The following EXTL3 variants were observed in gnomAD, a reference collection of about 807,000 sequenced individuals.
EXTL3 encodes the protein exostosin-like 3.
In EXTL3, 27 loss-of-function variants were observed where a neutral mutation model predicts 69.3. The ratio of observed to expected loss-of-function variants is 0.39; its 90% CI spans 0.29 to 0.54. The LOEUF (loss-of-function observed/expected upper bound fraction) is 0.54. Ranked by LOEUF, EXTL3 falls within the 20% of genes least tolerant of loss-of-function variation. The probability of loss-of-function intolerance (pLI) is 0.69; values close to 1 mark genes in which losing one functional copy is unlikely to be tolerated. For missense variants in EXTL3, 1,003 were observed against 1,231.8 expected, an observed-to-expected ratio of 0.81 and a Z score of 2.78; for synonymous variants, 511 against 499.4, an observed-to-expected ratio of 1.02 and a Z score of -0.31.
chr8:28,728,005 G>C (rs1449549995), intron 3 of EXTL3, among the ~76,000 whole-genome samples: 1 of 152,186 alleles, frequency 6.6e-6, no homozygotes, highest in Non-Finnish European at 1.5e-5. Context: ...GAACTGAAGT[G>C]GTTTTTCTTC....
rs114527995 is a variant in EXTL3, at chr8:28,669,852, T to C, written c.-52-43605T>C. Reference sequence around the variant, plus strand: ...GGCTGATGGCACAACAGGGCTGAAATCACCACTGAGTCATTGAATCTGAAT... The same window carrying C: ...GGCTGATGGCACAACAGGGCTGAAACCACCACTGAGTCATTGAATCTGAAT... On this transcript the variant is annotated intron_variant, in intron 1 of 6. Coordinates refer to the EXTL3 transcript ENST00000523149. Among the ~76,000 whole-genome samples, 875 of 152,212 alleles carry C rather than the reference T, an allele frequency of 5.7e-3. 9 individuals are homozygous for C. The highest frequency in any genetic ancestry group is 0.02 in the African/African-American group (839 of 41,524).
intron 1 of EXTL3, among the ~76,000 whole-genome samples, chr8:28,705,374 G>A (rs569792153): frequency 2.0e-5 from 3 of 152,216 alleles, no homozygotes; most frequent in Admixed American, 6.5e-5. Context: ...ATGGTAAAGC[G>A]TCTCAAGCTG....
chr8:28,636,675 C>G (rs1365696244), intron 1 of EXTL3, among the ~76,000 whole-genome samples: 2 of 152,228 alleles, frequency 1.3e-5, no homozygotes, highest in East Asian at 3.9e-4. Flanking sequence ...CCTAGGGTGG[C>G]AGATCTCCAT....
intron 1 of EXTL3, among the ~76,000 whole-genome samples, chr8:28,676,021 CA>C (rs386412447): frequency 2.8e-5 from 3 of 105,390 alleles, no homozygotes; most frequent in Admixed American, 1.1e-4. Context: ...GACTCCATCT[CA>C]AAAAAAAAAA....
chr8:28,696,075 T>C (rs1377994253), intron 1 of EXTL3: 2 of 152,172 alleles, frequency 1.3e-5, no homozygotes, highest in African/African-American at 4.8e-5. Context: ...TTAAAAATTT[T>C]TTGTGGAGAC....
chr8:28,671,323 T>G (rs1807289296), intron 1 of EXTL3, among the ~76,000 whole-genome samples: 1 of 145,038 alleles, frequency 6.9e-6, no homozygotes, highest in South Asian at 2.3e-4. Context: ...TTTTTTTTTT[T>G]TTTTTTGAGA....
intron 6 of EXTL3, among the ~76,000 whole-genome samples, chr8:28,745,280 A>G (rs1403350526): frequency 6.6e-6 from 1 of 152,248 alleles, no homozygotes; most frequent in Non-Finnish European, 1.5e-5. Flanking sequence ...AAAGAAATGC[A>G]TGTGGAGGCC....
downstream of EXTL3, among the ~76,000 whole-genome samples, chr8:28,756,417 G>C (rs772391170): frequency 6.6e-6 from 1 of 152,136 alleles, no homozygotes; most frequent in Non-Finnish European, 1.5e-5. Context: ...TGCATCCATC[G>C]TTGCTGAATA....
rs148379582 is a variant in EXTL3, at chr8:28,679,655, C to G, written c.-52-33802C>G. Among the ~76,000 whole-genome samples, 388 of 150,454 alleles carry G rather than the reference C, an allele frequency of 2.6e-3. 1 individual carries two copies. Among genetic ancestry groups the G allele is most frequent in the Non-Finnish European group, 3.4e-3 (228 of 67,788 alleles). On this transcript the variant is annotated intron_variant, in intron 1 of 6. Transcript: ENST00000523149. ...GGAGGATCGCTTGAGCCCAGGAGTT[C>G]AAGGCTGCAGTGAGCTATGATCATG... is the stretch of plus-strand genomic sequence containing the variant.
At chr8:28,719,464 C>T (rs1372864306) in intron 3 of EXTL3, among the ~76,000 whole-genome samples, 4 of 152,194 alleles carry the variant, frequency 2.6e-5, no homozygotes, top group Non-Finnish European at 1.5e-5. Context: ...TACATCATTT[C>T]TGTTTGTGTC....
chr8:28,736,186 G>C (rs759240291), intron 4 of EXTL3, among the ~76,000 whole-genome samples: 15 of 152,116 alleles, frequency 9.9e-5, no homozygotes, highest in Non-Finnish European at 2.1e-4. Flanking sequence ...AAAAAAATCA[G>C]TTGTCTAAAA....
chr8:28,655,000 G>A (rs937909354), intron 1 of EXTL3, among the ~76,000 whole-genome samples: 2 of 152,156 alleles, frequency 1.3e-5, no homozygotes, highest in African/African-American at 4.8e-5. Context: ...GAGTAAGGCC[G>A]ATGTATTTTT....
intron 6 of EXTL3, among the ~76,000 whole-genome samples, chr8:28,744,825 C>T (rs1386185188): frequency 1.3e-5 from 2 of 150,768 alleles, no homozygotes; most frequent in East Asian, 3.9e-4. Flanking sequence ...CACGCACACA[C>T]AGTAGCATGC....
intron 1 of EXTL3, among the ~76,000 whole-genome samples, chr8:28,675,905 C>G (rs1180644308): frequency 6.6e-6 from 1 of 151,042 alleles, no homozygotes; most frequent in Non-Finnish European, 1.5e-5. Context: ...GCCTGTAATC[C>G]CAGCTGCTTG....
At chr8:28,732,602 A>G (rs747568905) in intron 4 of EXTL3, among the ~76,000 whole-genome samples, 12 of 152,202 alleles carry the variant, frequency 7.9e-5, no homozygotes, top group Non-Finnish European at 1.3e-4. Context: ...TTGCATCTCT[A>G]TAGATTTGCC....
intron 2 of EXTL3, among the ~76,000 whole-genome samples, chr8:28,615,039 C>T (rs1806315732): frequency 7.3e-6 from 1 of 136,408 alleles, no homozygotes; most frequent in Non-Finnish European, 1.5e-5. Context: ...TGTTTAATCT[C>T]CAAATATTTG....
chr8:28,649,970 G>A (rs188414729), intron 1 of EXTL3, among the ~76,000 whole-genome samples: 1 of 152,032 alleles, frequency 6.6e-6, no homozygotes, highest in Admixed American at 6.6e-5. Flanking sequence ...GCTGAGGCAG[G>A]CGGATCACCT....
intron 6 of EXTL3, among the ~76,000 whole-genome samples, chr8:28,745,922 G>T (rs1490198521): frequency 6.6e-6 from 1 of 152,304 alleles, no homozygotes; most frequent in Non-Finnish European, 1.5e-5. Context: ...AATATATGAA[G>T]AATTCAAGAT....
Position 28,717,586 on chromosome 8 carries a change from GCGGCAAGGCCGCTTT to G in EXTL3, c.1529_1543del (p.Arg510_Phe514del). ...CCGATAGTGACCTCCTGGCTATGAG[GCGGCAAGGCCGCTTT>G]CTCTGGGAGACTTACTTCTCCACTG... is the stretch of plus-strand genomic sequence containing the variant. On this transcript the variant is annotated inframe_deletion, in exon 3 of 7. Coordinates refer to ENST00000220562, the MANE Select transcript of EXTL3 (RefSeq NM_001440.4). The surrounding 1 kb of genome is among the most constrained non-coding windows in gnomAD (Gnocchi z 8.3). 6.2e-7 allele frequency: 1 copy of G among 1,614,232 alleles called. No homozygotes were observed. Among genetic ancestry groups the G allele is most frequent in the South Asian group, 1.1e-5 (1 of 91,086 alleles).
Sources: gnomAD v4.1 joint callset for allele counts (sites outside exome capture counted in the v4.1 genomes callset) on GRCh38, gnomAD v4.1.1 for gene constraint, Gnocchi (gnomAD v3.1) non-coding constraint, MANE v1.5 for transcripts, NCBI Gene and HGNC (gene_info 2026-07-23, HGNC 2026-07-21) for gene names.